Variants in PRTFDC1 observed in about 807,000 individuals in gnomAD.
PRTFDC1 encodes phosphoribosyl transferase domain containing 1.
A neutral mutation model predicts 34.6 loss-of-function variants in PRTFDC1; 38 were observed. That is an observed-to-expected ratio of 1.10 (90% CI 0.85 to 1.44). PRTFDC1 has a LOEUF of 1.44. Among genes scored for constraint, PRTFDC1 ranks in the 40% most tolerant of loss-of-function variants. The pLI is 0.00. For missense variants in PRTFDC1, 270 were observed against 283.0 expected (o/e 0.95, Z 0.33); for synonymous variants, 93 against 98.1 (o/e 0.95, Z 0.31).
chr10:24,898,101 T>C (rs968843437), intron 3 of PRTFDC1, among the ~76,000 whole-genome samples: 1 of 152,032 alleles, frequency 6.6e-6, no homozygotes, highest in African/African-American at 2.4e-5. Context: ...TTTTCTCAGC[T>C]GCAAGTGACA....
chr10:24,912,314 G>GTTT (rs35378162), intron 3 of PRTFDC1, among the ~76,000 whole-genome samples: 53 of 118,786 alleles, frequency 4.5e-4, no homozygotes, highest in African/African-American at 1.6e-3. Flanking sequence ...TTGCTGAAGA[G>GTTT]TTTTTTTTTT....
At chr10:24,933,196 C>T (rs1039918971) in intron 3 of PRTFDC1, among the ~76,000 whole-genome samples, 1 of 151,662 alleles carries the variant, frequency 6.6e-6, no homozygotes, top group Non-Finnish European at 1.5e-5. Context: ...TCTTTGTGAT[C>T]TTGGGTTAGG....
chr10:24,880,921 CT>C (rs1282581346), intron 3 of PRTFDC1, among the ~76,000 whole-genome samples: 1 of 140,624 alleles, frequency 7.1e-6, no homozygotes, highest in African/African-American at 2.7e-5. Context: ...TCTTTCTTCC[CT>C]CTTTCTTTCC....
chr10:24,882,171 C>A (rs1467898115), intron 3 of PRTFDC1, among the ~76,000 whole-genome samples: 1 of 142,740 alleles, frequency 7.0e-6, no homozygotes, highest in African/African-American at 2.7e-5. Context: ...CTTGCCACTT[C>A]ACTCCAGCCT....
At chr10:24,861,440 C>T (rs11014269) in intron 4 of PRTFDC1, among the ~76,000 whole-genome samples, 18,027 of 152,092 alleles carry the variant, frequency 0.12, 1,348 homozygotes, top group South Asian at 0.21. Flanking sequence ...GTGGAGGTTG[C>T]AGTGAGCTGA....
chr10:24,873,821 A>G (rs558531315), intron 3 of PRTFDC1, among the ~76,000 whole-genome samples: 1 of 151,838 alleles, frequency 6.6e-6, no homozygotes, highest in East Asian at 1.9e-4. Context: ...CCAAACCACC[A>G]GTAGGACAGT....
intron 4 of PRTFDC1, 45 bp from the exon 5 acceptor site, chr10:24,858,454 A>C: frequency 6.3e-7 from 1 of 1,594,710 alleles, no homozygotes; most frequent in East Asian, 2.2e-5. Flanking sequence ...TGCCAATCTG[A>C]CTCACAGGAT....
intron 2 of PRTFDC1, among the ~76,000 whole-genome samples, chr10:24,939,410 T>A (rs1849112648): frequency 6.6e-6 from 1 of 151,720 alleles, no homozygotes; most frequent in South Asian, 2.1e-4. Flanking sequence ...CTAAACATTA[T>A]ATCAATACTC....
intron 2 of PRTFDC1, among the ~76,000 whole-genome samples, chr10:24,939,670 T>C (rs750923081): frequency 4.0e-5 from 6 of 151,508 alleles, no homozygotes; most frequent in Non-Finnish European, 5.9e-5. Flanking sequence ...GGTGCATGCT[T>C]ATAATCCCAG....
intron 4 of PRTFDC1, among the ~76,000 whole-genome samples, chr10:24,862,449 A>G (rs1301212430): frequency 6.6e-6 from 1 of 151,990 alleles, no homozygotes; most frequent in Non-Finnish European, 1.5e-5. Flanking sequence ...ATCTTGGCTC[A>G]CTGCAACCTC....
chr10:24,872,202 G>T, intron 3 of PRTFDC1, 139 bp from the exon 4 acceptor site: 1 of 705,632 alleles, frequency 1.4e-6, no homozygotes, highest in Non-Finnish European at 2.4e-6. Flanking sequence ...ATTCATGGTT[G>T]CCTATGGTTA....
At chr10:24,931,103 A>G (rs111448691) in intron 3 of PRTFDC1, among the ~76,000 whole-genome samples, 8 of 152,300 alleles carry the variant, frequency 5.3e-5, no homozygotes, top group Admixed American at 3.3e-4. Flanking sequence ...GGAATTATGT[A>G]TGGAAAATCC....
chr10:24,850,814 A>T (rs1847473157), intron 8 of PRTFDC1, among the ~76,000 whole-genome samples: 1 of 152,174 alleles, frequency 6.6e-6, no homozygotes, highest in African/African-American at 2.4e-5. Context: ...TTGAAGTCTG[A>T]ACACACTCAG....
chr10:24,938,030 A>C (rs1230180380), intron 2 of PRTFDC1, among the ~76,000 whole-genome samples: 4 of 151,136 alleles, frequency 2.6e-5, no homozygotes, highest in Non-Finnish European at 4.4e-5. Flanking sequence ...GTTTGAGACC[A>C]GCCTGGCCAA....
chr10:24,884,018 A>G (rs1175908360), intron 3 of PRTFDC1, among the ~76,000 whole-genome samples: 2 of 151,728 alleles, frequency 1.3e-5, no homozygotes, highest in Non-Finnish European at 2.9e-5. Flanking sequence ...ATTTTAGTAG[A>G]GACAGGGTTT....
At chr10:24,948,235 A>G (rs1322292828) in intron 1 of PRTFDC1, among the ~76,000 whole-genome samples, 2 of 152,234 alleles carry the variant, frequency 1.3e-5, no homozygotes, top group African/African-American at 4.8e-5. Context: ...TCACTTAGGT[A>G]AGTACTAATA....
intron 7 of PRTFDC1, among the ~76,000 whole-genome samples, chr10:24,852,194 T>C (rs1847503002): frequency 6.6e-6 from 1 of 151,994 alleles, no homozygotes; most frequent in Admixed American, 6.6e-5. Flanking sequence ...ATTCTTTTTT[T>C]TTTTCTGAGA....
chr10:24,862,968 C>T (rs1280325668), intron 4 of PRTFDC1, among the ~76,000 whole-genome samples: 1 of 152,104 alleles, frequency 6.6e-6, no homozygotes, highest in East Asian at 1.9e-4. Context: ...ACCTCTGCCT[C>T]CTGGGTTCAA....
intron 3 of PRTFDC1, among the ~76,000 whole-genome samples, chr10:24,879,456 G>T (rs2132522436): frequency 6.6e-6 from 1 of 152,036 alleles, no homozygotes; most frequent in African/African-American, 2.4e-5. Flanking sequence ...CGATTCTCCT[G>T]CCTCAGCCTC....
Sources: gnomAD v4.1 joint callset for allele counts (sites outside exome capture counted in the v4.1 genomes callset) on GRCh38, gnomAD v4.1.1 for gene constraint, MANE v1.5 for transcripts, NCBI Gene and HGNC (gene_info 2026-07-23, HGNC 2026-07-21) for gene names.